SYNDIG1: variants seen among roughly 807,000 people sequenced by gnomAD.
SYNDIG1 encodes the protein synapse differentiation inducing 1.
SYNDIG1 carries 9 observed loss-of-function variants against 19.4 expected under a neutral mutation model. That is an observed-to-expected ratio of 0.46 (90% CI 0.28 to 0.81). SYNDIG1 has a LOEUF of 0.81. Among genes scored for constraint, SYNDIG1 ranks in the 30% least tolerant of loss-of-function variants. SYNDIG1 has a pLI of 0.12. For missense variants in SYNDIG1, 311 were observed against 343.3 expected, an observed-to-expected ratio of 0.91 and a Z score of 0.74; for synonymous variants, 141 against 145.9, an observed-to-expected ratio of 0.97 and a Z score of 0.24.
intron 3 of SYNDIG1, among the ~76,000 whole-genome samples, chr20:24,664,810 G>A (rs139035115): frequency 6.6e-6 from 1 of 152,286 alleles, no homozygotes; most frequent in Non-Finnish European, 1.5e-5. Flanking sequence ...GGTTTCAGGT[G>A]TCCTCCAGTG....
At chr20:24,613,627 C>G (rs1207309091) in intron 3 of SYNDIG1, among the ~76,000 whole-genome samples, 1 of 152,126 alleles carries the variant, frequency 6.6e-6, no homozygotes, top group African/African-American at 2.4e-5. Context: ...GCTTGCCCTC[C>G]TGACCGTGTG....
intron 2 of SYNDIG1, among the ~76,000 whole-genome samples, chr20:24,557,067 C>T (rs185201449): frequency 6.6e-6 from 1 of 152,302 alleles, no homozygotes; most frequent in Non-Finnish European, 1.5e-5. Context: ...CATCTTCCAT[C>T]ACTGATACCC....
chr20:24,527,596 A>G (rs998786146), intron 1 of SYNDIG1, among the ~76,000 whole-genome samples: 1 of 146,578 alleles, frequency 6.8e-6, no homozygotes, highest in African/African-American at 2.5e-5. Context: ...TCTTTTGTGC[A>G]TGATGATCTT....
chr20:24,648,344 G>C (rs2059440149), intron 3 of SYNDIG1, among the ~76,000 whole-genome samples: 1 of 152,190 alleles, frequency 6.6e-6, no homozygotes, highest in African/African-American at 2.4e-5. Context: ...GTGTGTCCTG[G>C]TGTCACCAAG....
chr20:24,505,188 A>T (rs1219774336), intron 1 of SYNDIG1, among the ~76,000 whole-genome samples: 1 of 152,102 alleles, frequency 6.6e-6, no homozygotes, highest in Admixed American at 6.5e-5. Flanking sequence ...CTACAGGGAG[A>T]TGAGCTGGAA....
chr20:24,625,383 C>CTTTTTTTTTTTTT (rs2059108072), intron 3 of SYNDIG1, among the ~76,000 whole-genome samples: 1 of 97,478 alleles, frequency 1.0e-5, no homozygotes, highest in Non-Finnish European at 2.0e-5. Flanking sequence ...ATGCCTGGGA[C>CTTTTTTTTTTTTT]ATTTTTTTTT....
rs962598177 is a variant in SYNDIG1, at chr20:24,486,637, C to CATTTATTT, written c.-79+16898_-79+16905dup. Among the ~76,000 whole-genome samples the CATTTATTT allele has an allele frequency of 2.6e-5, 4 of 151,382 alleles. 1 individual carries two copies. The highest frequency in any genetic ancestry group is 2.6e-4 in the Admixed American group (4 of 15,186). ...CTCCATTTCTTTTTTTTCTTTCTTT[C>CATTTATTT]ATTTATTTATTTATTTATTTAATTT... On this transcript the variant is annotated intron_variant, in intron 1 of 3. Transcript: ENST00000376862.
chr20:24,659,681 G>A (rs1275660828), intron 3 of SYNDIG1, among the ~76,000 whole-genome samples: 1 of 152,216 alleles, frequency 6.6e-6, no homozygotes, highest in South Asian at 2.1e-4. Context: ...GGAGAGGTGG[G>A]GAGAGGCCTG....
At chr20:24,601,533 A>G (rs576608334) in intron 3 of SYNDIG1, among the ~76,000 whole-genome samples, 1 of 152,236 alleles carries the variant, frequency 6.6e-6, no homozygotes, top group African/African-American at 2.4e-5. Flanking sequence ...ATGGCAAGTT[A>G]TATTTTTCTA....
chr20:24,626,171 GACCCCCCACC>G (rs2059128257), intron 3 of SYNDIG1, among the ~76,000 whole-genome samples: 1 of 149,348 alleles, frequency 6.7e-6, no homozygotes, highest in Non-Finnish European at 1.5e-5. Context: ...GCAGGGGGCT[GACCCCCCACC>G]TCCCTCCCGG....
Position 24,630,258 on chromosome 20 carries a change from C to T in SYNDIG1, c.619-35088C>T, listed in dbSNP as rs60178260. On this transcript the variant is annotated intron_variant, in intron 3 of 3. Coordinates refer to ENST00000376862, the MANE Select transcript of SYNDIG1 (RefSeq NM_024893.3). ...TCTGCACACACTCACAGGAGTGGTC[C>T]GTGTTAAACATGCTGAGACCCCTGG... Among the ~76,000 whole-genome samples the T allele has an allele frequency of 2.0e-5, 3 of 152,270 alleles. No individual in the cohort carries two copies. The East Asian group carries it at 5.8e-4, about 29-fold the overall frequency.
chr20:24,493,351 C>A (rs2056207854), intron 1 of SYNDIG1, among the ~76,000 whole-genome samples: 2 of 152,060 alleles, frequency 1.3e-5, no homozygotes, highest in South Asian at 4.1e-4. Flanking sequence ...CATGCACAGG[C>A]ATGGAAACAC....
At chr20:24,529,181 G>A (rs746416485) in intron 1 of SYNDIG1, among the ~76,000 whole-genome samples, 2 of 152,160 alleles carry the variant, frequency 1.3e-5, no homozygotes, top group African/African-American at 2.4e-5. Flanking sequence ...TAAATCTTTG[G>A]TCACATGGGA....
At chr20:24,547,781 C>T (rs951825991) in intron 2 of SYNDIG1, among the ~76,000 whole-genome samples, 5 of 152,206 alleles carry the variant, frequency 3.3e-5, no homozygotes, top group Non-Finnish European at 5.9e-5. Context: ...CTCAGAGAGA[C>T]TTCAGGGACA....
At chr20:24,624,427 G>C in intron 3 of SYNDIG1, among the ~76,000 whole-genome samples, 1 of 152,078 alleles carries the variant, frequency 6.6e-6, no homozygotes, top group Non-Finnish European at 1.5e-5. Flanking sequence ...GCTGACTTCA[G>C]AACAACAAAG....
chr20:24,530,883 A>G (rs1445003282), intron 1 of SYNDIG1, among the ~76,000 whole-genome samples: 2 of 150,510 alleles, frequency 1.3e-5, no homozygotes, highest in African/African-American at 4.9e-5. Flanking sequence ...ATCTCTGCTC[A>G]CTGCAACTTC....
intron 3 of SYNDIG1, among the ~76,000 whole-genome samples, chr20:24,626,761 G>A (rs1449258822): frequency 2.0e-5 from 3 of 152,042 alleles, no homozygotes; most frequent in Non-Finnish European, 4.4e-5. Flanking sequence ...CCGAGATCAC[G>A]CCACTGCACT....
intron 1 of SYNDIG1, among the ~76,000 whole-genome samples, chr20:24,506,885 G>A (rs2056606435): frequency 6.6e-6 from 1 of 152,186 alleles, no homozygotes; most frequent in Non-Finnish European, 1.5e-5. Flanking sequence ...GAGAAGCTGG[G>A]CAGTGGGCAA....
chr20:24,663,773 C>T (rs1167576409), intron 3 of SYNDIG1, among the ~76,000 whole-genome samples: 5 of 152,200 alleles, frequency 3.3e-5, no homozygotes, highest in Non-Finnish European at 7.3e-5. Flanking sequence ...CTCTCTGCAC[C>T]CCTTTGCATA....
Sources: allele counts gnomAD v4.1 joint callset (sites outside exome capture counted in the v4.1 genomes callset), GRCh38; gene constraint gnomAD v4.1.1; transcripts MANE v1.5; gene names NCBI Gene and HGNC (gene_info 2026-07-23, HGNC 2026-07-21).